The following STX8 variants were observed in gnomAD, a reference collection of about 807,000 sequenced individuals.
STX8 encodes the protein syntaxin 8.
A neutral mutation model predicts 37.5 loss-of-function variants in STX8; 23 were observed. The ratio of observed to expected loss-of-function variants is 0.61; its 90% confidence interval spans 0.44 to 0.87. The LOEUF (loss-of-function observed/expected upper bound fraction) is 0.87. Among genes scored for constraint, STX8 ranks in the 40% least tolerant of loss-of-function variants. STX8 has a pLI of 0.00. For missense variants in STX8, 313 were observed against 284.7 expected (o/e 1.10, Z -0.71); for synonymous variants, 115 against 99.1 (o/e 1.16, Z -0.95).
chr17:9,486,268 GA>G (rs995800263), intron 6 of STX8, among the ~76,000 whole-genome samples: 27 of 152,132 alleles, frequency 1.8e-4, no homozygotes, highest in African/African-American at 6.3e-4. Flanking sequence ...ATAGGATAGA[GA>G]AAAAGGAGAG....
At position 9,439,037 on chromosome 17, in the gene STX8, A is replaced by G. The variant is rs1015648754; in HGVS notation, c.541+52792T>C. On this transcript the variant is annotated intron_variant, in intron 6 of 7. Coordinates refer to ENST00000306357, the MANE Select transcript of STX8 (RefSeq NM_004853.3). ...TTATGGACACTAAGGTTTGGATTTC[A>G]TATAATTTTCATGTGTCACAAAATA... Among the ~76,000 whole-genome samples, 6 of 152,318 alleles carry G rather than the reference A, an allele frequency of 3.9e-5. 1 individual carries two copies. In the East Asian group the frequency reaches 9.6e-4, roughly 24 times the overall value.
At chr17:9,469,383 C>CAT (rs1491321407) in intron 6 of STX8, 10 of 151,916 alleles carry the variant, frequency 6.6e-5, no homozygotes, top group Admixed American at 5.3e-4. Flanking sequence ...CACACACACA[C>CAT]ATCTACCCCT....
intron 3 of STX8, chr17:9,552,796 G>C (rs1041447786): frequency 1.3e-5 from 2 of 151,920 alleles, no homozygotes; most frequent in Non-Finnish European, 2.9e-5. Context: ...GGGACTACAG[G>C]CGCCCGCCAC....
At chr17:9,382,555 A>G (rs1388629923) in intron 6 of STX8, among the ~76,000 whole-genome samples, 1 of 152,130 alleles carries the variant, frequency 6.6e-6, no homozygotes, top group East Asian at 1.9e-4. Context: ...TACATTAGGT[A>G]TTTCTCCTAA....
intron 7 of STX8, among the ~76,000 whole-genome samples, chr17:9,307,217 T>C (rs1409948648): frequency 6.6e-6 from 1 of 152,264 alleles, no homozygotes; most frequent in Admixed American, 6.5e-5. Context: ...GCATCATTTA[T>C]GTACTTACAA....
intron 6 of STX8, among the ~76,000 whole-genome samples, chr17:9,414,170 C>T (rs971416236): frequency 9.5e-6 from 1 of 105,476 alleles, no homozygotes; most frequent in Non-Finnish European, 2.0e-5. Flanking sequence ...AAGCAAATGC[C>T]AGCATCCAAG....
chr17:9,413,494 C>T (rs535267802), intron 6 of STX8, among the ~76,000 whole-genome samples: 4 of 152,222 alleles, frequency 2.6e-5, no homozygotes, highest in Admixed American at 1.3e-4. Context: ...CATTTGTGCA[C>T]CCAGAAAAGG....
At chr17:9,532,609 T>C (rs1905864013) in intron 4 of STX8, among the ~76,000 whole-genome samples, 1 of 152,212 alleles carries the variant, frequency 6.6e-6, no homozygotes, top group Admixed American at 6.5e-5. Context: ...TTTAACAATG[T>C]AACAAATTAC....
intron 4 of STX8, among the ~76,000 whole-genome samples, chr17:9,521,446 C>T (rs1371487067): frequency 6.6e-6 from 1 of 152,230 alleles, no homozygotes; most frequent in Non-Finnish European, 1.5e-5. Context: ...ATTTTCAACA[C>T]AGCACTTAAT....
chr17:9,525,735 G>C (rs35804952), intron 4 of STX8, among the ~76,000 whole-genome samples: 76,530 of 152,010 alleles, frequency 0.5, 19,640 homozygotes, highest in South Asian at 0.67. Flanking sequence ...GTATGGTCCA[G>C]AGTTGTTTTG....
intron 2 of STX8, among the ~76,000 whole-genome samples, chr17:9,558,329 C>T (rs1302765214): frequency 6.6e-6 from 1 of 152,116 alleles, no homozygotes; most frequent in African/African-American, 2.4e-5. Flanking sequence ...ATAACTCAAG[C>T]GGACTCCCTC....
chr17:9,329,199 GA>G (rs1567785891), intron 7 of STX8, among the ~76,000 whole-genome samples: 1 of 150,664 alleles, frequency 6.6e-6, no homozygotes, highest in Non-Finnish European at 1.5e-5. Context: ...TGGCCATAGC[GA>G]AAACAAAACA....
At chr17:9,400,785 T>A (rs537553678) in intron 6 of STX8, among the ~76,000 whole-genome samples, 1 of 152,244 alleles carries the variant, frequency 6.6e-6, no homozygotes, top group Non-Finnish European at 1.5e-5. Context: ...GTGGTTACTT[T>A]TGCTCTGTTG....
intron 4 of STX8, among the ~76,000 whole-genome samples, chr17:9,527,498 A>C (rs966066039): frequency 6.6e-6 from 1 of 152,200 alleles, no homozygotes; most frequent in African/African-American, 2.4e-5. Context: ...GTGATTAGGT[A>C]ATTCTACTTT....
At chr17:9,552,250 G>A (rs1022452778) in intron 3 of STX8, among the ~76,000 whole-genome samples, 7 of 152,292 alleles carry the variant, frequency 4.6e-5, no homozygotes, top group Admixed American at 6.5e-5. Flanking sequence ...GCTGAGGCAG[G>A]AGGATCTCTT....
At chr17:9,363,734 C>T (rs953874742) in intron 7 of STX8, among the ~76,000 whole-genome samples, 2 of 152,172 alleles carry the variant, frequency 1.3e-5, no homozygotes, top group Non-Finnish European at 2.9e-5. Flanking sequence ...CCAAACCACA[C>T]CAAGCAAAAA....
At chr17:9,527,506 TTTC>T (rs1466233313) in intron 4 of STX8, among the ~76,000 whole-genome samples, 2 of 152,218 alleles carry the variant, frequency 1.3e-5, no homozygotes, top group Non-Finnish European at 2.9e-5. Context: ...GTAATTCTAC[TTTC>T]TTCTTCCCGT....
chr17:9,569,395 A>C (rs1408479363), intron 1 of STX8: 1 of 154,648 alleles, frequency 6.5e-6, no homozygotes, highest in Non-Finnish European at 1.5e-5. Context: ...CAAGGTGAAG[A>C]AGCTGGGCTT....
intron 6 of STX8, among the ~76,000 whole-genome samples, chr17:9,441,090 C>T (rs115368125): frequency 7.2e-5 from 11 of 152,168 alleles, no homozygotes; most frequent in African/African-American, 2.4e-4. Flanking sequence ...AAATGAGAGG[C>T]GTGAAGATGT....
Sources: allele counts gnomAD v4.1 joint callset (sites outside exome capture counted in the v4.1 genomes callset), GRCh38; gene constraint gnomAD v4.1.1; transcripts MANE v1.5; gene names NCBI Gene and HGNC (gene_info 2026-07-23, HGNC 2026-07-21).